Variants in GRIK4 observed in about 807,000 individuals in gnomAD.
The protein encoded by GRIK4 is glutamate receptor ionotropic, kainate 4.
Under a neutral mutation model 104.9 loss-of-function variants are expected in GRIK4, and 40 were observed. The observed-to-expected ratio is 0.38, with a 90% CI of 0.30 to 0.50. GRIK4 has a LOEUF of 0.50. GRIK4 is among the 20% of genes least tolerant of loss of function. The pLI, the probability that GRIK4 is intolerant of heterozygous loss-of-function variation, is 0.93. For synonymous variants in GRIK4, 485 were observed against 524.9 expected (o/e 0.92, Z 1.04); for missense variants, 1,047 against 1,308.1 (o/e 0.80, Z 3.08).
At chr11:120,682,048 G>T (rs557383475) in intron 3 of GRIK4, among the ~76,000 whole-genome samples, 55 of 152,334 alleles carry the variant, frequency 3.6e-4, no homozygotes, top group Non-Finnish European at 7.1e-4. Context: ...TCAGCATCGA[G>T]GAGTGAGATG....
intron 1 of GRIK4, among the ~76,000 whole-genome samples, chr11:120,597,222 G>A (rs563178750): frequency 4.6e-5 from 7 of 152,326 alleles, no homozygotes; most frequent in East Asian, 1.9e-4. Flanking sequence ...TTGCGGGGCC[G>A]CTCCCTCTCC....
At chr11:120,653,647 C>G (rs559777625) in intron 1 of GRIK4, 38 bp from the exon 2 acceptor site, 7 of 152,310 alleles carry the variant, frequency 4.6e-5, no homozygotes, top group African/African-American at 1.4e-4. Context: ...AGAGTGTTTC[C>G]ACATATGTTC....
At chr11:120,891,992 C>T (rs962400302) in intron 11 of GRIK4, among the ~76,000 whole-genome samples, 3 of 152,080 alleles carry the variant, frequency 2.0e-5, no homozygotes, top group South Asian at 2.1e-4. Context: ...AATGAATGGG[C>T]GAGGCTACGT....
chr11:120,920,918 T>C (rs1943214280), intron 13 of GRIK4, among the ~76,000 whole-genome samples: 1 of 152,186 alleles, frequency 6.6e-6, no homozygotes, highest in Non-Finnish European at 1.5e-5. Context: ...GCATCTCCCC[T>C]CAAGTGCCCC....
chr11:120,749,261 C>T (rs1951501436), intron 3 of GRIK4, among the ~76,000 whole-genome samples: 3 of 152,066 alleles, frequency 2.0e-5, no homozygotes, highest in African/African-American at 7.2e-5. Context: ...ACAGATCACT[C>T]CAGGACTCCA....
At chr11:120,791,256 A>G (rs1385108582) in intron 3 of GRIK4, among the ~76,000 whole-genome samples, 1 of 152,164 alleles carries the variant, frequency 6.6e-6, no homozygotes, top group African/African-American at 2.4e-5. Flanking sequence ...TTCCATATCC[A>G]TGTCAGCAAT....
At chr11:120,727,952 C>A (rs1175330106) in intron 3 of GRIK4, among the ~76,000 whole-genome samples, 2 of 151,772 alleles carry the variant, frequency 1.3e-5, no homozygotes, top group Non-Finnish European at 2.9e-5. Flanking sequence ...AATGAAGATC[C>A]AATATGTGAA....
At chr11:120,849,780 A>G (rs779984093) in intron 8 of GRIK4, among the ~76,000 whole-genome samples, 7 of 152,152 alleles carry the variant, frequency 4.6e-5, no homozygotes, top group Admixed American at 1.3e-4. Context: ...TCTGTGCTCT[A>G]TTGGTTTCTA....
chr11:120,662,068 C>T (rs993725853), intron 3 of GRIK4, among the ~76,000 whole-genome samples: 2 of 152,174 alleles, frequency 1.3e-5, no homozygotes, highest in African/African-American at 2.4e-5. Context: ...TAATGGGAAG[C>T]GGAAAGGGAT....
At chr11:120,710,980 C>T (rs1045857390) in intron 3 of GRIK4, among the ~76,000 whole-genome samples, 12 of 145,702 alleles carry the variant, frequency 8.2e-5, no homozygotes, top group South Asian at 2.2e-4. Flanking sequence ...CGGCCAGCCT[C>T]GCTTGCCCCT....
intron 8 of GRIK4, among the ~76,000 whole-genome samples, chr11:120,843,180 G>A (rs564687767): frequency 6.6e-5 from 10 of 152,366 alleles, no homozygotes; most frequent in African/African-American, 2.4e-4. Flanking sequence ...GAGCTGCTAC[G>A]GCATTGCAGG....
intron 13 of GRIK4, among the ~76,000 whole-genome samples, chr11:120,923,375 G>T (rs994334743): frequency 6.7e-6 from 1 of 149,284 alleles, no homozygotes; most frequent in Non-Finnish European, 1.5e-5. Context: ...CTGAGCACTT[G>T]CCCCATGCTA....
chr11:120,648,102 C>T (rs907948103), intron 1 of GRIK4, among the ~76,000 whole-genome samples: 19 of 152,198 alleles, frequency 1.2e-4, no homozygotes, highest in South Asian at 2.1e-4. Flanking sequence ...GCAGGGATGA[C>T]CCACTTGCTT....
rs560717674 is a variant in GRIK4 at position 120,727,958 on chromosome 11, G to C, written c.82+67558G>C. On this transcript the variant is annotated intron_variant, in intron 3 of 20. Coordinates refer to ENST00000527524, the MANE Select transcript of GRIK4 (RefSeq NM_014619.5). ...AAGATAGGCAATGAAGATCCAATAT[G>C]TGAACAATAGGCATCCCTGTGAAGC... Among the ~76,000 whole-genome samples the C allele has an allele frequency of 1.8e-3, 273 of 152,164 alleles. 1 individual carries two copies. The highest frequency in any genetic ancestry group is 6.2e-3 in the African/African-American group (257 of 41,564).
chr11:120,741,657 C>T (rs535891209), intron 3 of GRIK4, among the ~76,000 whole-genome samples: 3 of 151,676 alleles, frequency 2.0e-5, no homozygotes, highest in East Asian at 2.0e-4. Context: ...CTTCCTCAGG[C>T]GGCCTTCTAT....
intron 9 of GRIK4, chr11:120,871,479 G>C (rs1011197243): frequency 5.0e-6 from 2 of 397,578 alleles, no homozygotes; most frequent in African/African-American, 4.1e-5. Context: ...AGGGACTCGG[G>C]AGTGTGGTGG....
rs533352367 is a variant in GRIK4, at chr11:120,513,769, G to A, written c.-159+1882G>A. Among the ~76,000 whole-genome samples, 9 of 152,316 alleles carry A rather than the reference G, an allele frequency of 5.9e-5. No individual in the cohort carries two copies. Among genetic ancestry groups the A allele is most frequent in the African/African-American group, 2.2e-4 (9 of 41,558 alleles). On this transcript the variant is annotated intron_variant, in intron 1 of 20. Coordinates refer to ENST00000527524, the MANE Select transcript of GRIK4 (RefSeq NM_014619.5). The surrounding 1 kb of genome is among the most constrained non-coding windows in gnomAD (Gnocchi z 4.5). ...CCAGAGGCAGCACTGGTCCCTCCGG[G>A]TGGGGAAGAGGTGGATGCTCGGGAG... is the stretch of plus-strand genomic sequence containing the variant.
chr11:120,685,390 C>T (rs1350722311), intron 3 of GRIK4, among the ~76,000 whole-genome samples: 1 of 152,178 alleles, frequency 6.6e-6, no homozygotes, highest in East Asian at 1.9e-4. Context: ...TGGGTCTAAC[C>T]CTTGTCATGT....
At chr11:120,770,265 T>C (rs980299434) in intron 3 of GRIK4, among the ~76,000 whole-genome samples, 1 of 152,250 alleles carries the variant, frequency 6.6e-6, no homozygotes, top group Non-Finnish European at 1.5e-5. Context: ...GCCTGGGTGA[T>C]GGTGGCATGA....
Sources: gnomAD v4.1 joint callset for allele counts (sites outside exome capture counted in the v4.1 genomes callset) on GRCh38, gnomAD v4.1.1 for gene constraint, Gnocchi (gnomAD v3.1) non-coding constraint, MANE v1.5 for transcripts, NCBI Gene and HGNC (gene_info 2026-07-23, HGNC 2026-07-21) for gene names.